TENM2: variants seen among roughly 807,000 people sequenced by gnomAD.
TENM2 encodes teneurin-2.
A neutral mutation model predicts 245.2 loss-of-function variants in TENM2; 52 were observed. That is an observed-to-expected ratio of 0.21 (90% confidence interval 0.17 to 0.27). TENM2 has a LOEUF of 0.27. Among genes scored for constraint, TENM2 ranks in the 10% least tolerant of loss-of-function variants. TENM2 has a pLI of 1.00. For synonymous variants in TENM2, 1,363 were observed against 1,438.9 expected (o/e 0.95, Z 1.19); for missense variants, 3,046 against 3,666.8 (o/e 0.83, Z 4.37).
At chr5:167,596,339 G>A (rs774117867) in intron 2 of TENM2, among the ~76,000 whole-genome samples, 1 of 152,172 alleles carries the variant, frequency 6.6e-6, no homozygotes, top group African/African-American at 2.4e-5. Flanking sequence ...CTTTGACTCT[G>A]TCTAACCCTG....
chr5:167,777,278 G>A (rs1763873655), intron 2 of TENM2, among the ~76,000 whole-genome samples: 1 of 152,162 alleles, frequency 6.6e-6, no homozygotes, highest in Non-Finnish European at 1.5e-5. Flanking sequence ...AATGTTGATA[G>A]TGCTTATCTC....
intron 5 of TENM2, among the ~76,000 whole-genome samples, chr5:168,000,364 C>A (rs975802725): frequency 7.9e-5 from 12 of 152,184 alleles, no homozygotes; most frequent in African/African-American, 2.7e-4. Flanking sequence ...GGTAGTTAGA[C>A]AAGAAGCAGC....
At chr5:168,160,344 A>G (rs1757636435) in intron 12 of TENM2, among the ~76,000 whole-genome samples, 1 of 152,238 alleles carries the variant, frequency 6.6e-6, no homozygotes, top group South Asian at 2.1e-4. Flanking sequence ...TTTTCCAGGC[A>G]GGACCACAGT....
At chr5:167,317,566 C>T (rs1756444656) in intron 1 of TENM2, among the ~76,000 whole-genome samples, 1 of 152,200 alleles carries the variant, frequency 6.6e-6, no homozygotes, top group Admixed American at 6.5e-5. Flanking sequence ...TTTTCCACAT[C>T]TCCATCTCTG....
chr5:168,004,831 A>T (rs1784701280), intron 5 of TENM2, among the ~76,000 whole-genome samples: 1 of 151,894 alleles, frequency 6.6e-6, no homozygotes, highest in East Asian at 1.9e-4. Context: ...GTCACGGTTA[A>T]TTTTTTTTAA....
chr5:167,009,283 G>A, the TENM2 span, among the ~76,000 whole-genome samples: 1 of 152,110 alleles, frequency 6.6e-6, no homozygotes, highest in Non-Finnish European at 1.5e-5. Flanking sequence ...ATAAACCTGA[G>A]CAAAGGCATA....
intron 2 of TENM2, among the ~76,000 whole-genome samples, chr5:167,455,011 AATTT>A (rs1765828318): frequency 6.6e-6 from 1 of 152,190 alleles, no homozygotes; most frequent in African/African-American, 2.4e-5. Context: ...CAAAAAAGAG[AATTT>A]ATTCTTTTGG....
intron 2 of TENM2, among the ~76,000 whole-genome samples, chr5:167,443,937 G>GT (rs1419140681): frequency 4.6e-5 from 7 of 151,964 alleles, no homozygotes; most frequent in Non-Finnish European, 7.4e-5. Context: ...CAAAACATCT[G>GT]TTTTTTTATC....
chr5:167,016,049 T>G, the TENM2 span, among the ~76,000 whole-genome samples: 4 of 151,800 alleles, frequency 2.6e-5, no homozygotes, highest in African/African-American at 7.3e-5. Flanking sequence ...GGTCAGGAGA[T>G]CGAGACCATC....
At chr5:167,500,571 G>C (rs1769148309) in intron 2 of TENM2, among the ~76,000 whole-genome samples, 1 of 152,160 alleles carries the variant, frequency 6.6e-6, no homozygotes, top group African/African-American at 2.4e-5. Context: ...AGATGGTGAA[G>C]AACTGCCTGA....
chr5:167,908,726 A>G (rs1384863094), intron 3 of TENM2, among the ~76,000 whole-genome samples: 3 of 147,702 alleles, frequency 2.0e-5, no homozygotes, highest in African/African-American at 7.6e-5. Context: ...TCTTTTCCCA[A>G]CACAGTCCTC....
chr5:167,717,902 C>G (rs985663747), intron 2 of TENM2, among the ~76,000 whole-genome samples: 3 of 152,208 alleles, frequency 2.0e-5, no homozygotes, highest in Admixed American at 6.5e-5. Flanking sequence ...AGTGTACTTC[C>G]TGTTGGAATT....
the TENM2 span, among the ~76,000 whole-genome samples, chr5:167,032,405 A>C: frequency 6.6e-6 from 1 of 152,186 alleles, no homozygotes; most frequent in Non-Finnish European, 1.5e-5. Flanking sequence ...AGTTTTGATC[A>C]CTGGTAGGAG....
chr5:167,133,233 C>G, the TENM2 span, among the ~76,000 whole-genome samples: 1 of 152,226 alleles, frequency 6.6e-6, no homozygotes, highest in South Asian at 2.1e-4. Context: ...AGTATTGAGG[C>G]CGACACACAG....
chr5:167,746,675 CAGAGAGAGAG>C (rs57973052), intron 2 of TENM2, among the ~76,000 whole-genome samples: 59 of 117,192 alleles, frequency 5.0e-4, no homozygotes, highest in East Asian at 1.2e-3. Context: ...AAATTACCAA[CAGAGAGAGAG>C]AGAGAGAGAG....
At chr5:168,085,898 C>T (rs1407070511) in intron 7 of TENM2, among the ~76,000 whole-genome samples, 1 of 152,250 alleles carries the variant, frequency 6.6e-6, no homozygotes, top group Non-Finnish European at 1.5e-5. Context: ...GAATCAACAT[C>T]AGACATCGTC....
At chr5:168,201,792 C>T (rs1238739434) in intron 17 of TENM2, among the ~76,000 whole-genome samples, 5 of 152,160 alleles carry the variant, frequency 3.3e-5, no homozygotes, top group Non-Finnish European at 7.4e-5. Context: ...CTCTCTCTCT[C>T]TAACCTTTAT....
intron 25 of TENM2, among the ~76,000 whole-genome samples, chr5:168,239,605 G>T (rs914652940): frequency 1.3e-5 from 2 of 152,012 alleles, no homozygotes; most frequent in South Asian, 2.1e-4. Context: ...CACTAACCAG[G>T]CCTGATCCTG....
chr5:167,105,696 G>A, the TENM2 span, among the ~76,000 whole-genome samples: 44 of 150,934 alleles, frequency 2.9e-4, no homozygotes, highest in African/African-American at 9.0e-4. Context: ...AGACCATCCC[G>A]GCTAAAACGG....
Sources: allele counts gnomAD v4.1 joint callset (sites outside exome capture counted in the v4.1 genomes callset), GRCh38; gene constraint gnomAD v4.1.1; transcripts MANE v1.5; gene names NCBI Gene and HGNC (gene_info 2026-07-23, HGNC 2026-07-21).